Variants in PCDHGA2 observed in about 807,000 individuals in gnomAD.
The protein encoded by PCDHGA2 is protocadherin gamma-A2.
In PCDHGA2, 40 loss-of-function variants were observed where a neutral mutation model predicts 59.2. The ratio of observed to expected loss-of-function variants is 0.68; its 90% CI spans 0.52 to 0.88. The LOEUF is 0.88. Ranked by LOEUF, PCDHGA2 falls within the 40% of genes least tolerant of loss-of-function variation. The pLI, the probability that PCDHGA2 is intolerant of heterozygous loss-of-function variation, is 0.00. For missense variants in PCDHGA2, 1,226 were observed against 1,204.0 expected (o/e 1.02, Z -0.27); for synonymous variants, 560 against 526.0 (o/e 1.06, Z -0.89).
intron 1 of PCDHGA2, chr5:141,422,570 A>G: frequency 6.2e-7 from 1 of 1,614,012 alleles, no homozygotes; most frequent in African/African-American, 1.3e-5. Flanking sequence ...GATGACAACG[A>G]TAACCCTCCC....
At chr5:141,364,659 T>G in intron 1 of PCDHGA2, 1 of 1,614,020 alleles carries the variant, frequency 6.2e-7, no homozygotes, top group Non-Finnish European at 8.5e-7. Flanking sequence ...AACATCTTGG[T>G]TGAGAACAAA....
At chr5:141,369,356 G>GA (rs1766179891) in intron 1 of PCDHGA2, among the ~76,000 whole-genome samples, 1 of 152,234 alleles carries the variant, frequency 6.6e-6, no homozygotes, top group Non-Finnish European at 1.5e-5. Context: ...GATGTAGTAT[G>GA]AAAAAACATC....
intron 1 of PCDHGA2, among the ~76,000 whole-genome samples, chr5:141,452,578 C>T (rs2098744735): frequency 6.6e-6 from 1 of 152,150 alleles, no homozygotes; most frequent in African/African-American, 2.4e-5. Flanking sequence ...TCCCCCTTTC[C>T]ATCTTTGTAT....
chr5:141,339,795 C>T lies in PCDHGA2; in HGVS notation c.824C>T (p.Ala275Val). 6.2e-7 allele frequency: 1 copy of T among 1,614,212 alleles called. No individual in the cohort carries two copies. Among genetic ancestry groups the T allele is most frequent in the Non-Finnish European group, 8.5e-7 (1 of 1,180,034 alleles). ...TATDADEGYYAQVVYFLEKSP... is the reference protein window; with the variant it reads ...TATDADEGYYVQVVYFLEKSP... The stretch of plus-strand genomic sequence containing the variant: ...ACTGACGCAGATGAGGGCTACTACG[C>T]TCAAGTGGTATATTTTCTAGAGAAA... Residue 275 changes from alanine to valine, a missense_variant, in exon 1 of 4, where the codon GCT (alanine) becomes GTT (valine). Ala to Val is a moderately conservative substitution (Grantham distance 64, BLOSUM62 0). Transcript: ENST00000394576.
intron 1 of PCDHGA2, chr5:141,346,651 A>G: frequency 1.2e-6 from 1 of 802,000 alleles, no homozygotes; most frequent in Non-Finnish European, 1.9e-6. Flanking sequence ...GAGTGGGCTT[A>G]GGGAAAAAAT....
chr5:141,386,595 A>ATT lies in PCDHGA2; in HGVS notation c.2424+45211_2424+45212dup, dbSNP rs373179212. On this transcript the variant is annotated intron_variant, in intron 1 of 3. Transcript: ENST00000394576. Reference sequence around the variant, plus strand: ...CTCTGTACAATAGTGTGGGGGATACATTTTTTTTTTTTGACATGGAGTCTC... The same window carrying ATT: ...CTCTGTACAATAGTGTGGGGGATACATTTTTTTTTTTTTTGACATGGAGTCTC... 4.8e-5 allele frequency among the ~76,000 whole-genome samples: 7 copies of ATT among 146,172 alleles called. No individual in the cohort carries two copies. The East Asian group carries it at 9.9e-4, about 21-fold the overall frequency.
chr5:141,363,061 A>G (rs1240861333), intron 1 of PCDHGA2, among the ~76,000 whole-genome samples: 2 of 152,256 alleles, frequency 1.3e-5, no homozygotes, highest in Admixed American at 6.5e-5. Context: ...CAGTAAGCTA[A>G]ATGTCTTGGA....
At chr5:141,407,969 A>C (rs900029714) in intron 1 of PCDHGA2, 1 of 708,308 alleles carries the variant, frequency 1.4e-6, no homozygotes, top group Non-Finnish European at 2.2e-6. Flanking sequence ...GCAAGCGCTG[A>C]CGCCGGGGAT....
chr5:141,509,602 C>T (rs921950654), intron 3 of PCDHGA2, among the ~76,000 whole-genome samples: 8 of 152,194 alleles, frequency 5.3e-5, no homozygotes, highest in Non-Finnish European at 8.8e-5. Context: ...TTCCGAGAGG[C>T]TGCATTCTAA....
chr5:141,394,189 C>G lies in PCDHGA2; in HGVS notation c.2424+52794C>G, dbSNP rs543330174. The stretch of plus-strand genomic sequence containing the variant: ...ACTTTCCCTCATGCCTCCTACTCAG[C>G]GTATATCCTAGAGAACAACCTGAGA... On this transcript the variant is annotated intron_variant, in intron 1 of 3. Coordinates refer to ENST00000394576, the MANE Select transcript of PCDHGA2 (RefSeq NM_018915.4). 4 of 1,613,892 alleles carry G rather than the reference C, an allele frequency of 2.5e-6. No homozygotes were observed. The East Asian group carries it at 6.7e-5, about 27-fold the overall frequency.
intron 1 of PCDHGA2, 72 bp from the exon 2 acceptor site, chr5:141,494,735 A>C: frequency 6.2e-7 from 1 of 1,610,712 alleles, no homozygotes; most frequent in Middle Eastern, 1.7e-4. Context: ...CTCCCGGCCC[A>C]TCCCTAGGGG....
intron 1 of PCDHGA2, chr5:141,384,495 G>A (rs187774047): frequency 5.0e-6 from 8 of 1,614,162 alleles, no homozygotes; most frequent in Non-Finnish European, 6.8e-6. Context: ...AACTAAGAGT[G>A]ACTGCACATG....
chr5:141,424,393 A>G (rs1241872928), intron 1 of PCDHGA2: 1 of 152,120 alleles, frequency 6.6e-6, no homozygotes, highest in Non-Finnish European at 1.5e-5. Flanking sequence ...TGTCTTTTCC[A>G]TTACTATGGT....
chr5:141,431,008 C>T lies in PCDHGA2; in HGVS notation c.2425-63799C>T. The T allele has an allele frequency of 6.2e-7, 1 of 1,614,118 alleles. No individual in the cohort carries two copies. The highest frequency in any genetic ancestry group is 1.1e-5 in the South Asian group (1 of 91,076). ...TCGCCCTGAATCCGCGCAGCGGCAG[C>T]TTGGTCACGGCGGGCAGGATAGACC... On this transcript the variant is annotated intron_variant, in intron 1 of 3. Transcript: ENST00000394576. This position sits in a 1 kb window ranked among gnomAD's most constrained non-coding sequence, Gnocchi z 4.8.
At chr5:141,414,821 A>G (rs1321959107) in intron 1 of PCDHGA2, 1 of 1,614,226 alleles carries the variant, frequency 6.2e-7, no homozygotes, top group South Asian at 1.1e-5. Flanking sequence ...CTCAGCAGCA[A>G]CGTGTCGTTG....
chr5:141,441,813 A>T, intron 1 of PCDHGA2: 1 of 365,242 alleles, frequency 2.7e-6, no homozygotes, highest in South Asian at 2.3e-5. Context: ...GCTGTACCCC[A>T]GCTCTGGAGC....
At chr5:141,397,984 A>G in intron 1 of PCDHGA2, 18 of 1,310,016 alleles carry the variant, frequency 1.4e-5, no homozygotes, top group Non-Finnish European at 1.9e-5. Flanking sequence ...CGGCCTTTAC[A>G]CCGCTTCCTC....
chr5:141,379,268 T>C (rs1775481611), intron 1 of PCDHGA2: 1 of 152,258 alleles, frequency 6.6e-6, no homozygotes, highest in Non-Finnish European at 1.5e-5. Flanking sequence ...GGAATTGTTA[T>C]AGATTTATTT....
In PCDHGA2 at chr5:141,366,063, C is replaced by A. The variant is rs775871309; in HGVS notation, c.2424+24668C>A. ...GACGGTTCCACGGGCGTGGAGCTGG[C>A]GCCTCGCTCCGCAGAACCTGGCTAC... is the stretch of plus-strand genomic sequence containing the variant. On this transcript the variant is annotated intron_variant, in intron 1 of 3. Coordinates refer to ENST00000394576, the MANE Select transcript of PCDHGA2 (RefSeq NM_018915.4). 90 of 1,614,128 alleles carry A rather than the reference C, an allele frequency of 5.6e-5. No homozygotes were observed. The highest frequency in any genetic ancestry group is 7.3e-5 in the Non-Finnish European group (86 of 1,180,056).
Sources: gnomAD v4.1 joint callset for allele counts (sites outside exome capture counted in the v4.1 genomes callset) on GRCh38, gnomAD v4.1.1 for gene constraint, Gnocchi (gnomAD v3.1) non-coding constraint, MANE v1.5 for transcripts, NCBI Gene and HGNC (gene_info 2026-07-23, HGNC 2026-07-21) for gene names.